Variants in SNAP29 observed in about 807,000 individuals in gnomAD.
The protein encoded by SNAP29 is synaptosomal-associated protein 29.
SNAP29 carries 13 observed loss-of-function variants against 27.9 expected under a neutral mutation model. That is an observed-to-expected ratio of 0.47 (90% CI 0.30 to 0.74). The LOEUF (loss-of-function observed/expected upper bound fraction) is 0.74, where lower values mean the gene tolerates loss of function less well. Ranked by LOEUF, SNAP29 falls within the 30% of genes least tolerant of loss-of-function variation. The pLI is 0.06. For synonymous variants in SNAP29, 119 were observed against 127.1 expected (o/e 0.94, Z 0.43); for missense variants, 368 against 336.5 (o/e 1.09, Z -0.73).
intron 1 of SNAP29, among the ~76,000 whole-genome samples, chr22:20,862,989 G>A (rs1928363156): frequency 6.6e-6 from 1 of 152,170 alleles, no homozygotes; most frequent in Non-Finnish European, 1.5e-5. Context: ...CCAGGTGCAA[G>A]TGATCCTCCT....
At chr22:20,859,658 A>G (rs974831566) in intron 1 of SNAP29, 1 of 436,726 alleles carries the variant, frequency 2.3e-6, no homozygotes, top group Admixed American at 4.1e-5. Context: ...AAAATTCTGA[A>G]CAGCAGGTCC....
chr22:20,878,422 C>T (rs529326872), intron 2 of SNAP29, among the ~76,000 whole-genome samples: 25 of 151,838 alleles, frequency 1.6e-4, no homozygotes, highest in Non-Finnish European at 2.9e-4. Flanking sequence ...ACTAAAAATA[C>T]AAAAAATTAG....
intron 1 of SNAP29, among the ~76,000 whole-genome samples, chr22:20,866,559 G>C (rs1010043790): frequency 6.6e-6 from 1 of 152,050 alleles, no homozygotes. Context: ...AAGCCCACCT[G>C]ATGTTATAAG....
At chr22:20,869,720 CT>C (rs1395335997) in intron 1 of SNAP29, among the ~76,000 whole-genome samples, 1 of 152,158 alleles carries the variant, frequency 6.6e-6, no homozygotes, top group African/African-American at 2.4e-5. Context: ...AGAGAATCTG[CT>C]TCCAGTTCAG....
intron 1 of SNAP29, among the ~76,000 whole-genome samples, chr22:20,870,039 G>T (rs1928549815): frequency 6.6e-6 from 1 of 152,134 alleles, no homozygotes; most frequent in South Asian, 2.1e-4. Context: ...AAAATGCTGG[G>T]ATTACGGGTG....
chr22:20,889,929 G>A lies in SNAP29; in HGVS notation c.*2093G>A, dbSNP rs1009505781. The A allele has an allele frequency of 5.1e-5, 11 of 213,874 alleles. No individual in the cohort carries two copies. The East Asian group carries it at 5.7e-4, about 11-fold the overall frequency. 13.2% of individuals were successfully genotyped at this position (213,874 alleles called of 1,614,324 possible). A position where few individuals can be genotyped will look rare whatever the true frequency, so the allele number is the denominator to read the frequency against. ...GCTGGACTGATGAAGCCAGTCACCCGCCCTTCTCTGTTTTTTGGTTTTTTT... is the reference window on the plus strand; with the variant it reads ...GCTGGACTGATGAAGCCAGTCACCCACCCTTCTCTGTTTTTTGGTTTTTTT... On this transcript the variant is annotated 3_prime_UTR_variant, in exon 5 of 5. Transcript: ENST00000215730.
chr22:20,872,692 A>G (rs1928622931), intron 2 of SNAP29, among the ~76,000 whole-genome samples: 1 of 151,368 alleles, frequency 6.6e-6, no homozygotes, highest in East Asian at 1.9e-4. Flanking sequence ...GAGCCACCAC[A>G]TCCGGCCTAA....
In SNAP29 at chr22:20,887,939, T is replaced by C; in HGVS notation, c.*103T>C. On this transcript the variant is annotated 3_prime_UTR_variant, in exon 5 of 5. Transcript: ENST00000215730. ...CTATTTTAGTATGTAAATTAATGTG[T>C]GTTTGCAAATGTTATAATAGAGTAG... is the stretch of plus-strand genomic sequence containing the variant. The C allele has an allele frequency of 8.9e-7, 1 of 1,124,682 alleles. No homozygotes were observed. The highest frequency in any genetic ancestry group is 1.9e-5 in the Admixed American group (1 of 51,506). 69.7% of individuals were successfully genotyped at this position (1,124,682 alleles called of 1,614,324 possible).
rs1366810777 is a variant in SNAP29 at position 20,889,956 on chromosome 22, T to A, written c.*2120T>A. The A allele has an allele frequency of 3.9e-6, 1 of 259,712 alleles. No individual in the cohort carries two copies. The highest frequency in any genetic ancestry group is 2.2e-5 in the African/African-American group (1 of 45,480). 16.1% of individuals were successfully genotyped at this position (259,712 alleles called of 1,614,324 possible). ...CCTTCTCTGTTTTTTGGTTTTTTTT[T>A]TCTTAACCCCAGGTATATGGAAGGG... is the stretch of plus-strand genomic sequence containing the variant. On this transcript the variant is annotated 3_prime_UTR_variant, in exon 5 of 5. Coordinates refer to ENST00000215730, the MANE Select transcript of SNAP29 (RefSeq NM_004782.4).
In SNAP29 at chr22:20,890,132, A is replaced by T; in HGVS notation, c.*2296A>T. The T allele has an allele frequency of 2.5e-6, 1 of 396,544 alleles. No homozygotes were observed. Among genetic ancestry groups the T allele is most frequent in the Admixed American group, 4.4e-5 (1 of 22,682 alleles). 24.6% of individuals were successfully genotyped at this position (396,544 alleles called of 1,614,324 possible). A position where few individuals can be genotyped will look rare whatever the true frequency, so the allele number is the denominator to read the frequency against. On this transcript the variant is annotated 3_prime_UTR_variant, in exon 5 of 5. Coordinates refer to ENST00000215730, the MANE Select transcript of SNAP29 (RefSeq NM_004782.4). ...GGACAGCGAGCTGGTCCTTTCTGCC[A>T]CTTCTTCCCCACTCCCATGCCCAGG...
At position 20,887,997 on chromosome 22, in the gene SNAP29, GT is replaced by G; in HGVS notation, c.*164del. 1.4e-6 allele frequency: 1 copy of G among 726,386 alleles called. No homozygotes were observed. The highest frequency in any genetic ancestry group is 2.3e-5 in the Admixed American group (1 of 42,688). 45.0% of individuals were successfully genotyped at this position (726,386 alleles called of 1,614,324 possible). ...GACATTTTTGCTGTTATAAGGAAGT[GT>G]TTGTCCCACATTTTCCTAGGGTTAA... On this transcript the variant is annotated 3_prime_UTR_variant, in exon 5 of 5. Coordinates refer to ENST00000215730, the MANE Select transcript of SNAP29 (RefSeq NM_004782.4).
chr22:20,872,054 C>T lies in SNAP29; in HGVS notation c.434+1521C>T, dbSNP rs372829694. Among the ~76,000 whole-genome samples the T allele has an allele frequency of 2.6e-4, 39 of 152,118 alleles. 1 individual carries two copies. In the East Asian group the frequency reaches 5.4e-3, roughly 21 times the overall value. On this transcript the variant is annotated intron_variant, in intron 2 of 4. Coordinates refer to ENST00000215730, the MANE Select transcript of SNAP29 (RefSeq NM_004782.4). Reference sequence around the variant, plus strand: ...TACAGACAATCTATACTTTACCTACCGCAACACAAAAACAGAAAATTTCAT... The same window carrying T: ...TACAGACAATCTATACTTTACCTACTGCAACACAAAAACAGAAAATTTCAT...
chr22:20,876,662 C>T lies in SNAP29; in HGVS notation c.435-4387C>T, dbSNP rs538358552. On this transcript the variant is annotated intron_variant, in intron 2 of 4. Coordinates refer to ENST00000215730, the MANE Select transcript of SNAP29 (RefSeq NM_004782.4). The stretch of plus-strand genomic sequence containing the variant: ...GGCTCACTGCAAGCTCCGTCTCCCA[C>T]GTTCACGCCATTCTCCTGCCTCAGC... Among the ~76,000 whole-genome samples, 11 of 151,058 alleles carry T rather than the reference C, an allele frequency of 7.3e-5. No individual in the cohort carries two copies. The South Asian group carries it at 1.3e-3, about 17-fold the overall frequency.
intron 2 of SNAP29, 127 bp downstream of exon 2, chr22:20,870,660 GA>G: frequency 3.5e-6 from 3 of 856,190 alleles, no homozygotes; most frequent in East Asian, 5.3e-5. Flanking sequence ...CTCATCAGGG[GA>G]TATTTGTCCT....
chr22:20,870,756 A>C, intron 2 of SNAP29: 1 of 607,120 alleles, frequency 1.6e-6, no homozygotes, highest in African/African-American at 1.8e-5. Flanking sequence ...TTCTCCAATA[A>C]TTGTGACCCC....
At chr22:20,870,688 A>G in intron 2 of SNAP29, 155 bp downstream of exon 2, 4 of 742,708 alleles carry the variant, frequency 5.4e-6, no homozygotes, top group Non-Finnish European at 9.4e-6. Context: ...TTGTGAAACC[A>G]GGAACTGTTC....
chr22:20,876,296 C>T (rs1479121447), intron 2 of SNAP29, among the ~76,000 whole-genome samples: 1 of 144,466 alleles, frequency 6.9e-6, no homozygotes, highest in Non-Finnish European at 1.5e-5. Context: ...CTCGCTCTGT[C>T]GCCCAGGCTG....
intron 1 of SNAP29, 29 bp from the exon 2 acceptor site, chr22:20,870,308 A>C: frequency 6.2e-7 from 1 of 1,611,170 alleles, no homozygotes; most frequent in Non-Finnish European, 8.5e-7. Context: ...ACAGAAAGCT[A>C]TAATGCCACT....
chr22:20,870,560 A>G, intron 2 of SNAP29, 27 bp downstream of exon 2: 2 of 1,604,346 alleles, frequency 1.2e-6, no homozygotes, highest in Admixed American at 3.4e-5. Context: ...CCATCTGGGT[A>G]TAAAGGAGCA....
Sources: gnomAD v4.1 joint callset for allele counts (sites outside exome capture counted in the v4.1 genomes callset) on GRCh38, gnomAD v4.1.1 for gene constraint, MANE v1.5 for transcripts, NCBI Gene and HGNC (gene_info 2026-07-23, HGNC 2026-07-21) for gene names.